The following MXD4 variants were observed in gnomAD, a reference collection of about 807,000 sequenced individuals.
MXD4 encodes Mad4 homolog.
Under a neutral mutation model 24.5 loss-of-function variants are expected in MXD4, and 16 were observed. The observed-to-expected ratio is 0.65, with a 90% CI of 0.44 to 0.99. MXD4 has a LOEUF of 0.99. Ranked by LOEUF, MXD4 falls within the 50% of genes least tolerant of loss-of-function variation. The pLI is 0.00. For synonymous variants in MXD4, 164 were observed against 134.2 expected (o/e 1.22, Z -1.54); for missense variants, 301 against 301.5 (o/e 1.00, Z 0.01).
intron 3 of MXD4, among the ~76,000 whole-genome samples, chr4:2,257,333 T>C (rs1735451834): frequency 1.3e-5 from 2 of 152,140 alleles, no homozygotes; most frequent in African/African-American, 4.8e-5. Flanking sequence ...AGGGGACTCT[T>C]CCTGGTCCTG....
In MXD4 at chr4:2,251,136, G is replaced by A. The variant is rs200877651; in HGVS notation, c.420C>T (p.Arg140=). ...CAGAGCCCGTGCTATCTGTGCGCAC[G>A]CGCTCCACGCTCTGCACCGACAGCT... is the stretch of plus-strand genomic sequence containing the variant. ...LEQLSVQSVE[R]VRTDSTGSAV... The change falls in exon 5 of 6, where the codon CGC becomes CGT. Residue 140 remains arginine, a synonymous_variant. Transcript: ENST00000337190. 252 of 1,600,190 alleles carry A rather than the reference G, an allele frequency of 1.6e-4. No homozygotes were observed. The highest frequency in any genetic ancestry group is 2.0e-4 in the Non-Finnish European group (234 of 1,173,346).
At chr4:2,261,556 G>A (rs1246402248) in intron 2 of MXD4, among the ~76,000 whole-genome samples, 169 bp downstream of exon 2, 1 of 147,590 alleles carries the variant, frequency 6.8e-6, no homozygotes, top group East Asian at 2.0e-4. Context: ...GGGCCGGCCG[G>A]GCGGGGCTGC....
rs545554062 is a variant in MXD4 at position 2,257,775 on chromosome 4, C to T, written c.194+207G>A. Among the ~76,000 whole-genome samples the T allele has an allele frequency of 2.2e-3, 336 of 152,332 alleles. 4 individuals carry two copies. Among genetic ancestry groups the T allele is most frequent in the African/African-American group, 7.6e-3 (318 of 41,586 alleles). The stretch of plus-strand genomic sequence containing the variant: ...TGAGCTCTGGAAAGCAGGGCCTGGG[C>T]CTCCTGCCATCTCCTGCCTCTAGCA... On this transcript the variant is annotated intron_variant, in intron 3 of 5. Coordinates refer to ENST00000337190, the MANE Select transcript of MXD4 (RefSeq NM_006454.3).
chr4:2,258,937 C>T (rs1199670799), intron 2 of MXD4: 1 of 456,128 alleles, frequency 2.2e-6, no homozygotes, highest in Admixed American at 2.3e-5. Flanking sequence ...ACAGGGTGTG[C>T]CACAGCATCT....
Position 2,249,340 on chromosome 4 carries a change from C to A in MXD4, c.*1204G>T, listed in dbSNP as rs993980505. 4 of 152,500 alleles carry A rather than the reference C, an allele frequency of 2.6e-5. No homozygotes were observed. The highest frequency in any genetic ancestry group is 7.3e-5 in the African/African-American group (3 of 41,378). 9.4% of individuals were successfully genotyped at this position (152,500 alleles called of 1,614,324 possible). A position where few individuals can be genotyped will look rare whatever the true frequency, so the allele number is the denominator to read the frequency against. ...TCCCACCCCTCAGCAAACAAGGACG[C>A]AACAACAGCTAGGAAAATAGAATAC... On this transcript the variant is annotated 3_prime_UTR_variant, in exon 6 of 6. Coordinates refer to ENST00000337190, the MANE Select transcript of MXD4 (RefSeq NM_006454.3).
At chr4:2,261,848 C>A (rs1331511014) in intron 1 of MXD4, 24 bp from the exon 2 acceptor site, 2 of 1,355,678 alleles carry the variant, frequency 1.5e-6, no homozygotes, top group Middle Eastern at 2.3e-4. Context: ...GCGCGGTCAG[C>A]GGCCCCCGCC....
At chr4:2,261,642 G>T in intron 2 of MXD4, 83 bp downstream of exon 2, 1 of 829,844 alleles carries the variant, frequency 1.2e-6, no homozygotes, top group Non-Finnish European at 1.5e-6. Flanking sequence ...CCGCGGGCCG[G>T]GAATCGGGGC....
At chr4:2,261,883 C>T in intron 1 of MXD4, 34 bp downstream of exon 1, 1 of 1,407,412 alleles carries the variant, frequency 7.1e-7, no homozygotes, top group East Asian at 3.1e-5. Flanking sequence ...CGCCCGCCCA[C>T]CGCCGCGGGC....
intron 3 of MXD4, among the ~76,000 whole-genome samples, chr4:2,257,139 G>C (rs1486785514): frequency 2.0e-5 from 3 of 152,216 alleles, no homozygotes; most frequent in African/African-American, 7.2e-5. Context: ...ACGGAAGTTG[G>C]TGCTGCTGTG....
chr4:2,260,369 C>T (rs1475595719), intron 2 of MXD4, among the ~76,000 whole-genome samples: 1 of 152,242 alleles, frequency 6.6e-6, no homozygotes, highest in Non-Finnish European at 1.5e-5. Context: ...CCTCTCTGAG[C>T]CTGGGGTGAA....
intron 4 of MXD4, among the ~76,000 whole-genome samples, chr4:2,252,028 G>A (rs982903662): frequency 1.3e-5 from 2 of 151,908 alleles, no homozygotes; most frequent in Non-Finnish European, 2.9e-5. Flanking sequence ...GCCTTCTGAT[G>A]GCACCCAGGA....
rs531580878 is a variant in MXD4 at position 2,250,307 on chromosome 4, C to T, written c.*237G>A. 34 of 586,238 alleles carry T rather than the reference C, an allele frequency of 5.8e-5. No homozygotes were observed. The highest frequency in any genetic ancestry group is 5.0e-4 in the South Asian group (23 of 46,278). The allele number at this position is 586,238 out of a possible 1,614,324, so 36.3% of individuals were successfully genotyped here. The stretch of plus-strand genomic sequence containing the variant: ...TGGGCGGCTATGCTGACCAGGGCTC[C>T]GGATGTGGAAGCTGGGCCCTGCCTC... On this transcript the variant is annotated 3_prime_UTR_variant, in exon 6 of 6. Transcript: ENST00000337190.
At chr4:2,260,189 A>G (rs1735510928) in intron 2 of MXD4, among the ~76,000 whole-genome samples, 1 of 152,110 alleles carries the variant, frequency 6.6e-6, no homozygotes, top group Non-Finnish European at 1.5e-5. Context: ...AGAGTTGGGG[A>G]GCCCTCTGTC....
chr4:2,257,647 G>C (rs1460095696), intron 3 of MXD4, among the ~76,000 whole-genome samples: 3 of 152,252 alleles, frequency 2.0e-5, no homozygotes, highest in African/African-American at 7.2e-5. Flanking sequence ...ACAGGGCAGA[G>C]AGCCGAACCC....
Position 2,248,412 on chromosome 4 carries a change from G to C in MXD4, c.*2132C>G, listed in dbSNP as rs756903652. On this transcript the variant is annotated 3_prime_UTR_variant, in exon 6 of 6. Coordinates refer to ENST00000337190, the MANE Select transcript of MXD4 (RefSeq NM_006454.3). Reference sequence around the variant, plus strand: ...CACTGGAGGGTGGGGCAGGGAGCTGGTGCTTCAAGAATTGAGGGCAGGGAC... The same window carrying C: ...CACTGGAGGGTGGGGCAGGGAGCTGCTGCTTCAAGAATTGAGGGCAGGGAC... The C allele has an allele frequency of 6.6e-6, 1 of 152,494 alleles. No individual in the cohort carries two copies. The highest frequency in any genetic ancestry group is 1.5e-5 in the Non-Finnish European group (1 of 68,198). The allele number at this position is 152,494 out of a possible 1,614,324, so 9.4% of individuals were successfully genotyped here.
chr4:2,261,019 G>A (rs897229722), intron 2 of MXD4, among the ~76,000 whole-genome samples: 5 of 152,234 alleles, frequency 3.3e-5, no homozygotes, highest in East Asian at 3.9e-4. Flanking sequence ...GGGCGCAGCT[G>A]GCACCCGTAG....
intron 1 of MXD4, 33 bp from the exon 2 acceptor site, chr4:2,261,857 C>T: frequency 7.3e-7 from 1 of 1,368,790 alleles, no homozygotes; most frequent in South Asian, 1.6e-5. Context: ...GCGGCCCCCG[C>T]CCGGCACGGC....
chr4:2,260,505 C>G, intron 2 of MXD4: 1 of 454,890 alleles, frequency 2.2e-6, no homozygotes, highest in Non-Finnish European at 4.4e-6. Flanking sequence ...CCCCAGAGTT[C>G]TCCACGGGTC....
At chr4:2,251,293 C>T in intron 4 of MXD4, 47 bp from the exon 5 acceptor site, 1 of 1,510,488 alleles carries the variant, frequency 6.6e-7, no homozygotes, top group Non-Finnish European at 8.9e-7. Flanking sequence ...GAGGAGTCCC[C>T]CCATCCCCCT....
Sources: gnomAD v4.1 joint callset for allele counts (sites outside exome capture counted in the v4.1 genomes callset) on GRCh38, gnomAD v4.1.1 for gene constraint, MANE v1.5 for transcripts, NCBI Gene and HGNC (gene_info 2026-07-23, HGNC 2026-07-21) for gene names.